Variants in NREP observed in about 807,000 individuals in gnomAD.
NREP encodes the protein neuronal regeneration-related protein.
In NREP, 5 loss-of-function variants were observed where a neutral mutation model predicts 8.6. That is an observed-to-expected ratio of 0.58 (90% CI 0.30 to 1.22). NREP has a LOEUF of 1.22. Ranked by LOEUF, NREP falls within the 50% of genes most tolerant of loss-of-function variation. NREP has a pLI of 0.07. For missense variants in NREP, 86 were observed against 82.5 expected (o/e 1.04, Z -0.17); for synonymous variants, 27 against 28.0 (o/e 0.96, Z 0.11).
intron 2 of NREP, among the ~76,000 whole-genome samples, chr5:111,771,311 T>G (rs1405672526): frequency 1.3e-5 from 2 of 152,132 alleles, no homozygotes; most frequent in African/African-American, 4.8e-5. Context: ...GTTAACTCAT[T>G]TTAACAGATC....
intron 2 of NREP, among the ~76,000 whole-genome samples, chr5:111,940,837 A>G (rs1755809177): frequency 6.6e-6 from 1 of 152,082 alleles, no homozygotes; most frequent in Non-Finnish European, 1.5e-5. Flanking sequence ...AGAGGACACA[A>G]TAAAACCATT....
intron 2 of NREP, among the ~76,000 whole-genome samples, chr5:111,851,062 A>G (rs1310923655): frequency 6.6e-6 from 1 of 152,094 alleles, no homozygotes; most frequent in Admixed American, 6.6e-5. Flanking sequence ...TCATTTTCCT[A>G]CTGGGTCATG....
At chr5:111,752,714 A>G (rs529191371) in intron 2 of NREP, among the ~76,000 whole-genome samples, 1 of 152,298 alleles carries the variant, frequency 6.6e-6, no homozygotes, top group African/African-American at 2.4e-5. Flanking sequence ...TATTGTTCCA[A>G]TTCCTAGGTC....
chr5:111,838,176 T>A (rs1319590040), intron 2 of NREP, among the ~76,000 whole-genome samples: 1 of 152,196 alleles, frequency 6.6e-6, no homozygotes, highest in East Asian at 1.9e-4. Context: ...TATTTCAATA[T>A]GTGATATAAA....
At chr5:111,932,193 G>A (rs1258102831) in intron 2 of NREP, among the ~76,000 whole-genome samples, 1 of 151,466 alleles carries the variant, frequency 6.6e-6, no homozygotes, top group East Asian at 1.9e-4. Context: ...TCAAAGGCAG[G>A]GTAACTATAG....
chr5:111,732,660 T>G (rs1268614834), intron 3 of NREP: 1 of 132,406 alleles, frequency 7.6e-6, no homozygotes, highest in East Asian at 2.2e-4. Flanking sequence ...TCCCAAAATT[T>G]AAAAAAAAAA....
chr5:111,906,029 T>A (rs1315797905), intron 2 of NREP, among the ~76,000 whole-genome samples: 1 of 152,098 alleles, frequency 6.6e-6, no homozygotes, highest in Admixed American at 6.6e-5. Context: ...AAACAAAGAT[T>A]AGAGCTCATT....
intron 2 of NREP, among the ~76,000 whole-genome samples, chr5:111,845,564 C>T (rs532977698): frequency 1.3e-5 from 2 of 152,008 alleles, no homozygotes; most frequent in Non-Finnish European, 2.9e-5. Flanking sequence ...AAAAGTCATG[C>T]GTTATAAATC....
intron 2 of NREP, among the ~76,000 whole-genome samples, chr5:111,792,259 G>A (rs1317981070): frequency 6.6e-6 from 1 of 152,134 alleles, no homozygotes; most frequent in Non-Finnish European, 1.5e-5. Context: ...CACACTGTCA[G>A]TCTCATTCTA....
At chr5:111,860,611 C>A (rs1753523978) in intron 2 of NREP, among the ~76,000 whole-genome samples, 1 of 152,110 alleles carries the variant, frequency 6.6e-6, no homozygotes, top group African/African-American at 2.4e-5. Context: ...CCAGTTGGTA[C>A]CCAAAGGAAA....
At chr5:111,915,459 A>T (rs562802501) in intron 2 of NREP, among the ~76,000 whole-genome samples, 1 of 152,078 alleles carries the variant, frequency 6.6e-6, no homozygotes, top group Non-Finnish European at 1.5e-5. Flanking sequence ...TGAGGCTACT[A>T]CAAGAGGCAA....
chr5:111,846,419 G>GCTTTTT (rs1753169459), intron 2 of NREP: 1 of 37,744 alleles, frequency 2.6e-5, no homozygotes, highest in Non-Finnish European at 5.4e-5. Flanking sequence ...CTTTTTGTTT[G>GCTTTTT]CTTTTTTTTT....
At chr5:111,851,380 C>T (rs1173127331) in intron 2 of NREP, among the ~76,000 whole-genome samples, 1 of 152,094 alleles carries the variant, frequency 6.6e-6, no homozygotes, top group Non-Finnish European at 1.5e-5. Context: ...TATGCCCCCA[C>T]AAAAGGGAAG....
At chr5:111,965,337 C>T (rs1160674491) in intron 2 of NREP, among the ~76,000 whole-genome samples, 1 of 152,170 alleles carries the variant, frequency 6.6e-6, no homozygotes, top group African/African-American at 2.4e-5. Context: ...AATACACACA[C>T]TCAGAGCCTG....
At chr5:111,934,650 G>A (rs1458894935) in intron 2 of NREP, among the ~76,000 whole-genome samples, 4 of 152,038 alleles carry the variant, frequency 2.6e-5, no homozygotes, top group African/African-American at 4.8e-5. Context: ...ATGTATGGCC[G>A]CAGTTCCATG....
At chr5:111,875,746 T>C (rs1214187814) in intron 2 of NREP, among the ~76,000 whole-genome samples, 1 of 152,232 alleles carries the variant, frequency 6.6e-6, no homozygotes, top group Admixed American at 6.5e-5. Flanking sequence ...GAGTTCCACC[T>C]CATGCTGGTG....
chr5:111,834,322 A>G (rs918146702), intron 2 of NREP, among the ~76,000 whole-genome samples: 1 of 152,224 alleles, frequency 6.6e-6, no homozygotes, highest in Non-Finnish European at 1.5e-5. Context: ...GAGATTCATT[A>G]TCAAATACCA....
intron 3 of NREP, 138 bp downstream of exon 3, chr5:111,735,292 C>A: frequency 1.9e-6 from 1 of 522,108 alleles, no homozygotes; most frequent in Non-Finnish European, 3.4e-6. Context: ...ACATTATTTC[C>A]AAGGTCATCA....
chr5:111,766,235 G>C (rs1312351927), intron 2 of NREP, among the ~76,000 whole-genome samples: 2 of 151,970 alleles, frequency 1.3e-5, no homozygotes, highest in Non-Finnish European at 2.9e-5. Context: ...GATCCTCAAA[G>C]GCATCACAAT....
Sources: allele counts gnomAD v4.1 joint callset (sites outside exome capture counted in the v4.1 genomes callset), GRCh38; gene constraint gnomAD v4.1.1; transcripts MANE v1.5; gene names NCBI Gene and HGNC (gene_info 2026-07-23, HGNC 2026-07-21).